The following RNF150 variants were observed in gnomAD, a reference collection of about 807,000 sequenced individuals.
The protein encoded by RNF150 is ring finger protein 150.
Under a neutral mutation model 39.3 loss-of-function variants are expected in RNF150, and 24 were observed. The observed-to-expected ratio is 0.61, with a 90% CI of 0.44 to 0.86. The LOEUF (loss-of-function observed/expected upper bound fraction) is 0.86. Ranked by LOEUF, RNF150 falls within the 40% of genes least tolerant of loss-of-function variation. RNF150 has a pLI of 0.00. For missense variants in RNF150, 502 were observed against 587.8 expected (o/e 0.85, Z 1.51); for synonymous variants, 255 against 227.3 (o/e 1.12, Z -1.10).
intron 5 of RNF150, among the ~76,000 whole-genome samples, chr4:140,918,552 C>T (rs992763737): frequency 1.3e-5 from 2 of 151,954 alleles, no homozygotes; most frequent in Admixed American, 6.6e-5. Flanking sequence ...AATAGCTTAC[C>T]AACCAAAAAG....
At chr4:141,163,785 A>G (rs911833773) in intron 1 of RNF150, among the ~76,000 whole-genome samples, 3 of 152,192 alleles carry the variant, frequency 2.0e-5, no homozygotes, top group African/African-American at 4.8e-5. Flanking sequence ...CATCCACACA[A>G]AAACCCCATC....
intron 6 of RNF150, among the ~76,000 whole-genome samples, chr4:140,877,427 A>T (rs1421982024): frequency 5.9e-5 from 9 of 152,246 alleles, no homozygotes; most frequent in African/African-American, 2.2e-4. Flanking sequence ...GGTATGAAAA[A>T]GGAGTGTAAA....
At chr4:141,102,095 T>C (rs1033656552) in intron 1 of RNF150, among the ~76,000 whole-genome samples, 1 of 152,178 alleles carries the variant, frequency 6.6e-6, no homozygotes, top group Non-Finnish European at 1.5e-5. Flanking sequence ...TCCGTTATAA[T>C]CTTATGGGAC....
chr4:141,078,752 T>C (rs1738015171), intron 1 of RNF150, among the ~76,000 whole-genome samples: 1 of 131,644 alleles, frequency 7.6e-6, no homozygotes, highest in Non-Finnish European at 1.5e-5. Context: ...ATCGTGCCAC[T>C]GCACTCCAGC....
At chr4:141,156,928 T>C (rs1466660893) in intron 1 of RNF150, among the ~76,000 whole-genome samples, 1 of 151,970 alleles carries the variant, frequency 6.6e-6, no homozygotes, top group Non-Finnish European at 1.5e-5. Context: ...TCATATGCTA[T>C]AGATGATTAA....
chr4:141,078,396 T>C (rs911724565), intron 1 of RNF150, among the ~76,000 whole-genome samples: 4 of 152,202 alleles, frequency 2.6e-5, no homozygotes, highest in Non-Finnish European at 4.4e-5. Flanking sequence ...TTCTCTGTTT[T>C]GCAAGGGAAG....
At chr4:140,906,559 A>G (rs1294971678) in intron 6 of RNF150, among the ~76,000 whole-genome samples, 2 of 152,066 alleles carry the variant, frequency 1.3e-5, no homozygotes, top group African/African-American at 2.4e-5. Flanking sequence ...TGTTAGATAC[A>G]CTCCTCTTTC....
chr4:140,878,290 C>G (rs147856242), intron 6 of RNF150, among the ~76,000 whole-genome samples: 1 of 150,992 alleles, frequency 6.6e-6, no homozygotes, highest in Non-Finnish European at 1.5e-5. Context: ...TGTGCCTCAG[C>G]CTCCTGAGTA....
intron 2 of RNF150, among the ~76,000 whole-genome samples, chr4:140,955,633 A>C (rs905559468): frequency 1.1e-4 from 17 of 152,172 alleles, no homozygotes; most frequent in African/African-American, 4.1e-4. Flanking sequence ...TGAAGACTGC[A>C]TGGATATGAC....
chr4:141,171,309 T>C (rs1443361367), intron 1 of RNF150, among the ~76,000 whole-genome samples: 2 of 152,166 alleles, frequency 1.3e-5, no homozygotes, highest in African/African-American at 4.8e-5. Flanking sequence ...GCCACACCTC[T>C]TGGGAGAGAT....
At chr4:141,051,479 A>G (rs375630480) in intron 1 of RNF150, among the ~76,000 whole-genome samples, 43 of 152,270 alleles carry the variant, frequency 2.8e-4, no homozygotes, top group African/African-American at 1.0e-3. Flanking sequence ...ATAGCACCCA[A>G]GTCATCTCTT....
At chr4:141,160,731 C>T (rs890596868) in intron 1 of RNF150, among the ~76,000 whole-genome samples, 2 of 152,286 alleles carry the variant, frequency 1.3e-5, no homozygotes, top group Non-Finnish European at 2.9e-5. Flanking sequence ...GCACCTCCCC[C>T]TCCCACTTCT....
At chr4:140,891,424 C>T (rs1729749104) in intron 6 of RNF150, among the ~76,000 whole-genome samples, 1 of 152,110 alleles carries the variant, frequency 6.6e-6, no homozygotes, top group African/African-American at 2.4e-5. Flanking sequence ...CAGAGCACCC[C>T]AAGGACCACT....
At chr4:140,886,900 CTA>C (rs1347707019) in intron 6 of RNF150, among the ~76,000 whole-genome samples, 5 of 152,184 alleles carry the variant, frequency 3.3e-5, no homozygotes, top group Admixed American at 2.0e-4. Context: ...GCATTTACTC[CTA>C]TGTTTTCTTC....
intron 5 of RNF150, 91 bp downstream of exon 5, chr4:140,925,886 C>T: frequency 1.2e-6 from 1 of 869,154 alleles, no homozygotes; most frequent in South Asian, 1.5e-5. Context: ...ACTGAGGGGA[C>T]ACAGAACATC....
intron 1 of RNF150, among the ~76,000 whole-genome samples, chr4:141,015,806 T>C (rs1332616391): frequency 6.6e-6 from 1 of 152,184 alleles, no homozygotes; most frequent in Admixed American, 6.5e-5. Context: ...AAGAACTGTT[T>C]CTCTTACTGT....
At chr4:140,960,715 T>C (rs1177123428) in intron 2 of RNF150, among the ~76,000 whole-genome samples, 13 of 152,198 alleles carry the variant, frequency 8.5e-5, no homozygotes, top group African/African-American at 3.1e-4. Flanking sequence ...TGAGTAAAGA[T>C]GGAAGATTCC....
chr4:140,994,469 G>GCACA (rs1467257998), intron 1 of RNF150, among the ~76,000 whole-genome samples: 2 of 150,658 alleles, frequency 1.3e-5, no homozygotes, highest in African/African-American at 4.9e-5. Context: ...GTGTGTGCAC[G>GCACA]CACACACACA....
intron 1 of RNF150, among the ~76,000 whole-genome samples, chr4:141,052,641 G>T (rs983639300): frequency 2.0e-5 from 3 of 152,166 alleles, no homozygotes; most frequent in African/African-American, 7.2e-5. Flanking sequence ...CTCCCAAAGT[G>T]CTGGGATTAT....
Sources: allele counts gnomAD v4.1 joint callset (sites outside exome capture counted in the v4.1 genomes callset), GRCh38; gene constraint gnomAD v4.1.1; transcripts MANE v1.5; gene names NCBI Gene and HGNC (gene_info 2026-07-23, HGNC 2026-07-21).